Variants in NTRK3 observed in about 807,000 individuals in gnomAD.
NTRK3 encodes the protein NT-3 growth factor receptor.
NTRK3 carries 24 observed loss-of-function variants against 91.7 expected under a neutral mutation model. That is an observed-to-expected ratio of 0.26 (90% CI 0.19 to 0.37). The LOEUF (loss-of-function observed/expected upper bound fraction) is 0.37. NTRK3 is among the 10% of genes least tolerant of loss of function. The pLI is 1.00. For missense variants in NTRK3, 880 were observed against 1,068.9 expected (o/e 0.82, Z 2.46); for synonymous variants, 483 against 404.0 (o/e 1.20, Z -2.34).
chr15:88,253,300 C>T (rs1033526225), intron 3 of NTRK3: 1 of 152,250 alleles, frequency 6.6e-6, no homozygotes, highest in Non-Finnish European at 1.5e-5. Flanking sequence ...AAAACAAGAA[C>T]TGACCCCAGC....
At chr15:87,893,398 CTACAAA>C (rs2065944691) in intron 17 of NTRK3, among the ~76,000 whole-genome samples, 1 of 152,218 alleles carries the variant, frequency 6.6e-6, no homozygotes, top group African/African-American at 2.4e-5. Context: ...AGTCTAGTGG[CTACAAA>C]TTCTCAGGCT....
chr15:88,086,827 G>C (rs764599378), intron 13 of NTRK3, among the ~76,000 whole-genome samples: 6 of 152,192 alleles, frequency 3.9e-5, no homozygotes, highest in Non-Finnish European at 1.5e-5. Flanking sequence ...GATGACCCTA[G>C]TTTTTCTCTT....
chr15:88,220,142 G>GA, intron 3 of NTRK3, among the ~76,000 whole-genome samples: 1 of 152,092 alleles, frequency 6.6e-6, no homozygotes, highest in South Asian at 2.1e-4. Context: ...ATGAAATAAA[G>GA]AAATGAAAAA....
chr15:87,969,241 C>G (rs1026325742), intron 14 of NTRK3, among the ~76,000 whole-genome samples: 3 of 152,160 alleles, frequency 2.0e-5, no homozygotes, highest in African/African-American at 7.2e-5. Flanking sequence ...CCTTCCGAAT[C>G]CCTGCTTGAA....
At chr15:87,919,231 C>T (rs144184820) in intron 17 of NTRK3, among the ~76,000 whole-genome samples, 2 of 152,286 alleles carry the variant, frequency 1.3e-5, no homozygotes, top group African/African-American at 4.8e-5. Flanking sequence ...TGAATCTAGG[C>T]TTCTTGGCTT....
intron 17 of NTRK3, among the ~76,000 whole-genome samples, chr15:87,919,841 C>T (rs1023556811): frequency 2.6e-5 from 4 of 152,024 alleles, no homozygotes; most frequent in Non-Finnish European, 4.4e-5. Flanking sequence ...AAGGAAAAAA[C>T]GGGGCTGAGA....
At chr15:88,159,334 A>G (rs1014383172) in intron 5 of NTRK3, among the ~76,000 whole-genome samples, 12 of 152,208 alleles carry the variant, frequency 7.9e-5, no homozygotes, top group Non-Finnish European at 1.6e-4. Context: ...GGTTAGAGGG[A>G]ACACAAGCCA....
chr15:87,946,144 G>C (rs1239864152), intron 14 of NTRK3: 1 of 152,184 alleles, frequency 6.6e-6, no homozygotes, highest in Admixed American at 6.5e-5. Flanking sequence ...AATGGCACGA[G>C]CTTGCCCAGG....
chr15:88,042,976 C>T (rs1023338567), intron 13 of NTRK3, among the ~76,000 whole-genome samples: 8 of 152,248 alleles, frequency 5.3e-5, no homozygotes, highest in Non-Finnish European at 1.0e-4. Context: ...CCACATTCTC[C>T]TTCCCACTCC....
At chr15:87,864,529 G>T (rs1373325347) in exon 19 of NTRK3, 15 of 229,554 alleles carry the variant, frequency 6.5e-5, no homozygotes, top group African/African-American at 3.3e-4. Context: ...AAGTTATATA[G>T]TGAAATGAGC....
intron 14 of NTRK3, among the ~76,000 whole-genome samples, chr15:87,958,772 C>T (rs1035831121): frequency 6.6e-6 from 1 of 152,030 alleles, no homozygotes; most frequent in Non-Finnish European, 1.5e-5. Flanking sequence ...CCAAACTGAG[C>T]TTCCATTCTT....
intron 13 of NTRK3, among the ~76,000 whole-genome samples, chr15:88,060,114 G>A (rs913303628): frequency 6.6e-6 from 1 of 152,280 alleles, no homozygotes; most frequent in Non-Finnish European, 1.5e-5. Flanking sequence ...CTGTGGCTGG[G>A]TGAGGTGGCT....
intron 13 of NTRK3, among the ~76,000 whole-genome samples, chr15:88,123,119 C>A (rs1391669693): frequency 6.6e-6 from 1 of 152,094 alleles, no homozygotes; most frequent in African/African-American, 2.4e-5. Context: ...TAAAAGGAAC[C>A]TATGAAGGTT....
chr15:88,145,317 C>A (rs2042787879), intron 6 of NTRK3, among the ~76,000 whole-genome samples: 1 of 152,188 alleles, frequency 6.6e-6, no homozygotes, highest in African/African-American at 2.4e-5. Flanking sequence ...AAAATAGACC[C>A]CTACCAGGGT....
At chr15:88,248,291 C>T (rs1290569973) in intron 3 of NTRK3, among the ~76,000 whole-genome samples, 3 of 152,176 alleles carry the variant, frequency 2.0e-5, no homozygotes, top group African/African-American at 7.2e-5. Context: ...GGGAACAGGT[C>T]AGAAGGAGAG....
chr15:88,034,410 C>A (rs550094219), intron 13 of NTRK3, among the ~76,000 whole-genome samples: 4 of 152,212 alleles, frequency 2.6e-5, no homozygotes, highest in Admixed American at 2.6e-4. Context: ...AGATAATTAA[C>A]GCTGCAGTCT....
chr15:87,867,399 C>T, exon 19 of NTRK3: 1 of 229,486 alleles, frequency 4.4e-6, no homozygotes, highest in Admixed American at 5.7e-5. Flanking sequence ...AAAGGAGGGT[C>T]ACAAGAGATA....
intron 13 of NTRK3, among the ~76,000 whole-genome samples, chr15:88,102,795 A>G (rs919798441): frequency 1.3e-5 from 2 of 152,094 alleles, no homozygotes; most frequent in Non-Finnish European, 1.5e-5. Flanking sequence ...AAATGCTCCA[A>G]CTCTACCAAG....
intron 15 of NTRK3, among the ~76,000 whole-genome samples, chr15:87,936,053 G>A (rs1428088538): frequency 1.3e-5 from 2 of 152,192 alleles, no homozygotes; most frequent in Admixed American, 1.3e-4. Flanking sequence ...GGAGAATAAT[G>A]AGGAGGAAAA....
Sources: gnomAD v4.1 joint callset for allele counts (sites outside exome capture counted in the v4.1 genomes callset) on GRCh38, gnomAD v4.1.1 for gene constraint, MANE v1.5 for transcripts, NCBI Gene and HGNC (gene_info 2026-07-23, HGNC 2026-07-21) for gene names.